Variants in CNTN1 observed in about 807,000 individuals in gnomAD.
The protein encoded by CNTN1 is contactin-1.
A neutral mutation model predicts 126.4 loss-of-function variants in CNTN1; 38 were observed. The observed-to-expected ratio is 0.30, with a 90% CI of 0.23 to 0.39. The LOEUF (loss-of-function observed/expected upper bound fraction) is 0.39, where lower values mean the gene tolerates loss of function less well. Ranked by LOEUF, CNTN1 falls within the 10% of genes least tolerant of loss-of-function variation. The pLI is 1.00. For synonymous variants in CNTN1, 413 were observed against 422.6 expected, an observed-to-expected ratio of 0.98 and a Z score of 0.28; for missense variants, 1,009 against 1,248.4, an observed-to-expected ratio of 0.81 and a Z score of 2.89.
chr12:41,016,935 T>C lies in CNTN1; in HGVS notation c.2419+19T>C, dbSNP rs1948794405. ...CAAGACGGTAGGTGAAAGAAAGACC[T>C]TCTTACCTGAGGAGGGAGGAAAAAC... On this transcript the variant is annotated intron_variant, in intron 19 of 23. Transcript: ENST00000551295. 1 of 1,589,206 alleles carries C rather than the reference T, an allele frequency of 6.3e-7. No individual in the cohort carries two copies. The highest frequency in any genetic ancestry group is 1.3e-5 in the African/African-American group (1 of 74,392).
At chr12:41,046,674 A>T (rs59142970) in intron 23 of CNTN1, among the ~76,000 whole-genome samples, 7,792 of 151,950 alleles carry the variant, frequency 0.051, 304 homozygotes, top group African/African-American at 0.11. Context: ...AACCCCTGTA[A>T]ATCTTAATAT....
At chr12:40,807,612 T>C (rs1391462172) in intron 1 of CNTN1, among the ~76,000 whole-genome samples, 2 of 152,178 alleles carry the variant, frequency 1.3e-5, no homozygotes, top group East Asian at 3.8e-4. Context: ...TTAAGACAGA[T>C]ACAGGTTAGG....
In CNTN1 at chr12:41,071,083, C is replaced by CAATAATAATAAT. The variant is rs3072067; in HGVS notation, c.*1058_*1069dup. 2 of 150,436 alleles carry CAATAATAATAAT rather than the reference C, an allele frequency of 1.3e-5. No individual in the cohort carries two copies. The highest frequency in any genetic ancestry group is 3.0e-5 in the Non-Finnish European group (2 of 67,570). 9.3% of individuals were successfully genotyped at this position (150,436 alleles called of 1,614,324 possible). A position where few individuals can be genotyped will look rare whatever the true frequency, so the allele number is the denominator to read the frequency against. ...ACCGTATTCCATTTTGTAAAAATAA[C>CAATAATAATAAT]AATAATAATAATAATAATAATTAGT... On this transcript the variant is annotated 3_prime_UTR_variant, in exon 24 of 24. Transcript: ENST00000551295.
intron 1 of CNTN1, among the ~76,000 whole-genome samples, chr12:40,907,182 A>G (rs1169936999): frequency 6.6e-6 from 1 of 152,182 alleles, no homozygotes; most frequent in African/African-American, 2.4e-5. Flanking sequence ...GAAGTCACCA[A>G]ATGACTCAAA....
chr12:41,043,420 A>G (rs927487791), intron 23 of CNTN1, among the ~76,000 whole-genome samples: 1 of 152,252 alleles, frequency 6.6e-6, no homozygotes, highest in Non-Finnish European at 1.5e-5. Flanking sequence ...ACTGGCCATC[A>G]GAGAAATGCA....
In CNTN1 at chr12:40,922,429, G is replaced by A; in HGVS notation, c.400+1G>A. 6.2e-7 allele frequency: 1 copy of A among 1,613,762 alleles called. No homozygotes were observed. The highest frequency in any genetic ancestry group is 8.5e-7 in the Non-Finnish European group (1 of 1,179,770). ...ACTGAAGCAACCCTGAGCTTTGGAT[G>A]TAAGTAAACTGTAACTTTTAAAAAA... On this transcript the variant is annotated splice_donor_variant, in intron 5 of 23. Transcript: ENST00000551295. LOFTEE classifies it high-confidence loss of function.
chr12:40,998,314 G>T (rs895293391), intron 17 of CNTN1, among the ~76,000 whole-genome samples: 1 of 152,074 alleles, frequency 6.6e-6, no homozygotes, highest in Non-Finnish European at 1.5e-5. Context: ...TTAATGTAAA[G>T]AATTCTTTTC....
chr12:40,892,807 T>G (rs921956610), intron 1 of CNTN1, among the ~76,000 whole-genome samples: 1 of 151,998 alleles, frequency 6.6e-6, no homozygotes, highest in Non-Finnish European at 1.5e-5. Context: ...TTAAGAGAAA[T>G]GTAAAGGTCA....
rs1408442725 is a variant in CNTN1 at position 41,042,712 on chromosome 12, A to G, written c.2980+13493A>G. Among the ~76,000 whole-genome samples the G allele has an allele frequency of 3.3e-5, 5 of 152,188 alleles. No individual in the cohort carries two copies. The East Asian group carries it at 9.6e-4, about 29-fold the overall frequency. ...GCCAAGTCAATCCTAAGCCAAAAGAACTAAGCTGGAGGCATCACACTACCT... is the reference window on the plus strand; with the variant it reads ...GCCAAGTCAATCCTAAGCCAAAAGAGCTAAGCTGGAGGCATCACACTACCT... On this transcript the variant is annotated intron_variant, in intron 23 of 23. Transcript: ENST00000551295.
chr12:41,061,283 G>T (rs941112623), intron 23 of CNTN1, among the ~76,000 whole-genome samples: 2 of 152,092 alleles, frequency 1.3e-5, no homozygotes, highest in Non-Finnish European at 2.9e-5. Context: ...CAAATCAACT[G>T]GTCATCACTC....
At chr12:41,033,031 A>T (rs1344022469) in intron 23 of CNTN1, among the ~76,000 whole-genome samples, 4 of 152,220 alleles carry the variant, frequency 2.6e-5, no homozygotes, top group African/African-American at 9.6e-5. Context: ...CTTCCCCATT[A>T]GGTTCATGAT....
intron 1 of CNTN1, among the ~76,000 whole-genome samples, chr12:40,720,556 A>G (rs1161558625): frequency 6.6e-6 from 1 of 152,232 alleles, no homozygotes; most frequent in Non-Finnish European, 1.5e-5. Flanking sequence ...TGCAAAGACA[A>G]TACAGTAGAT....
At chr12:41,056,267 A>T (rs1949799322) in intron 23 of CNTN1, among the ~76,000 whole-genome samples, 1 of 152,146 alleles carries the variant, frequency 6.6e-6, no homozygotes, top group Non-Finnish European at 1.5e-5. Flanking sequence ...CAATTAGCTA[A>T]TTGTTACTAT....
chr12:40,769,585 G>A (rs1939255200), intron 1 of CNTN1, among the ~76,000 whole-genome samples: 1 of 152,184 alleles, frequency 6.6e-6, no homozygotes, highest in African/African-American at 2.4e-5. Context: ...CCAGCAATGT[G>A]AGGGCTTATT....
At chr12:40,814,704 TTAAAG>T (rs1290066850) in intron 1 of CNTN1, among the ~76,000 whole-genome samples, 1 of 152,154 alleles carries the variant, frequency 6.6e-6, no homozygotes, top group East Asian at 1.9e-4. Flanking sequence ...CATATGAACT[TTAAAG>T]TAGTTTTTTT....
At chr12:41,049,116 C>T (rs1398346080) in intron 23 of CNTN1, among the ~76,000 whole-genome samples, 1 of 152,142 alleles carries the variant, frequency 6.6e-6, no homozygotes, top group Non-Finnish European at 1.5e-5. Context: ...TTTCTTTTCC[C>T]CTTAAGAGCT....
intron 1 of CNTN1, among the ~76,000 whole-genome samples, chr12:40,836,352 A>G (rs1942061181): frequency 6.6e-6 from 1 of 150,916 alleles, no homozygotes; most frequent in African/African-American, 2.4e-5. Context: ...CAATGATATT[A>G]TATTCATGTA....
chr12:40,696,641 C>T lies in CNTN1; in HGVS notation c.-77+4049C>T, dbSNP rs148881880. 9.6e-3 allele frequency among the ~76,000 whole-genome samples: 1,456 copies of T among 152,210 alleles called. 8 individuals are homozygous for T. The highest frequency in any genetic ancestry group is 0.016 in the Non-Finnish European group (1,080 of 68,010). The stretch of plus-strand genomic sequence containing the variant: ...TCAACTCCTGACAACAGGACTGATC[C>T]GTTGTGTGACCTTGGAAATGTAGCA... On this transcript the variant is annotated intron_variant, in intron 1 of 23. Coordinates refer to ENST00000551295, the MANE Select transcript of CNTN1 (RefSeq NM_001843.4).
At chr12:40,757,209 TAAG>T (rs1938646599) in intron 1 of CNTN1, among the ~76,000 whole-genome samples, 1 of 152,116 alleles carries the variant, frequency 6.6e-6, no homozygotes, top group African/African-American at 2.4e-5. Context: ...TGATCTCATC[TAAG>T]TATAATTATT....
Sources: gnomAD v4.1 joint callset for allele counts (sites outside exome capture counted in the v4.1 genomes callset) on GRCh38, gnomAD v4.1.1 for gene constraint, MANE v1.5 for transcripts, NCBI Gene and HGNC (gene_info 2026-07-23, HGNC 2026-07-21) for gene names.